Variants in PARD3B observed in about 807,000 individuals in gnomAD.
PARD3B encodes the protein partitioning defective 3 homolog B.
In PARD3B, 103 loss-of-function variants were observed where a neutral mutation model predicts 130.2. The observed-to-expected ratio is 0.79, with a 90% confidence interval of 0.67 to 0.93. The LOEUF (loss-of-function observed/expected upper bound fraction) is 0.93. PARD3B is among the 40% of genes least tolerant of loss of function. PARD3B has a pLI of 0.00. For synonymous variants in PARD3B, 583 were observed against 553.2 expected (o/e 1.05, Z -0.76); for missense variants, 1,609 against 1,499.2 (o/e 1.07, Z -1.21).
chr2:204,560,956 A>C (rs1046465178), intron 1 of PARD3B, among the ~76,000 whole-genome samples: 2 of 151,922 alleles, frequency 1.3e-5, no homozygotes, highest in Non-Finnish European at 2.9e-5. Flanking sequence ...GTGGGAAGAG[A>C]AGTGTAGGTG....
intron 21 of PARD3B, among the ~76,000 whole-genome samples, chr2:205,517,323 A>C (rs1348322042): frequency 6.6e-6 from 1 of 151,966 alleles, no homozygotes; most frequent in Admixed American, 6.6e-5. Flanking sequence ...ATATGTGTCC[A>C]GGAATCTACC....
chr2:205,257,750 A>T (rs1381136355), intron 16 of PARD3B, among the ~76,000 whole-genome samples: 1 of 152,220 alleles, frequency 6.6e-6, no homozygotes, highest in Non-Finnish European at 1.5e-5. Flanking sequence ...GCAGAATATT[A>T]TAAAATGGTA....
At chr2:205,108,497 C>T (rs958096122) in intron 5 of PARD3B, among the ~76,000 whole-genome samples, 1 of 151,930 alleles carries the variant, frequency 6.6e-6, no homozygotes, top group Non-Finnish European at 1.5e-5. Context: ...TATTCTCTCT[C>T]CCACCTTCCT....
chr2:204,743,308 T>A (rs906601402), intron 2 of PARD3B, among the ~76,000 whole-genome samples: 2 of 152,188 alleles, frequency 1.3e-5, no homozygotes, highest in African/African-American at 4.8e-5. Flanking sequence ...TAAATATTAA[T>A]CTCTCTTTTG....
chr2:205,036,996 G>A lies in PARD3B; in HGVS notation c.395-10585G>A, dbSNP rs995690604. On this transcript the variant is annotated intron_variant, in intron 3 of 22. Transcript: ENST00000406610. The stretch of plus-strand genomic sequence containing the variant: ...TGTATATATAAAAAACATATATAGC[G>A]GACTGTATATATAAAAAATATATAC... Among the ~76,000 whole-genome samples, 28 of 145,858 alleles carry A rather than the reference G, an allele frequency of 1.9e-4. 1 individual carries two copies. The highest frequency in any genetic ancestry group is 6.9e-4 in the Admixed American group (10 of 14,444).
chr2:204,842,373 G>A (rs1395507967), intron 2 of PARD3B, among the ~76,000 whole-genome samples: 1 of 151,974 alleles, frequency 6.6e-6, no homozygotes, highest in Non-Finnish European at 1.5e-5. Context: ...GAATTGAGGT[G>A]GTTTCAGCTG....
At chr2:205,536,433 G>A (rs936600704) in intron 21 of PARD3B, among the ~76,000 whole-genome samples, 6 of 152,148 alleles carry the variant, frequency 3.9e-5, no homozygotes, top group Admixed American at 2.0e-4. Context: ...CCTAAGGAAA[G>A]ATGATTCTAC....
Position 205,229,390 on chromosome 2 carries a change from C to A in PARD3B, c.2141-16388C>A, listed in dbSNP as rs1316657258. ...CACCCCAAGCCCAGTAATGCTGTGA[C>A]TCTTACAGACTTGTAGAGGTGCCAT... On this transcript the variant is annotated intron_variant, in intron 15 of 22. Transcript: ENST00000406610. This position sits in a 1 kb window ranked among gnomAD's most constrained non-coding sequence, Gnocchi z 5.2. Among the ~76,000 whole-genome samples the A allele has an allele frequency of 6.6e-6, 1 of 152,222 alleles. No homozygotes were observed. Among genetic ancestry groups the A allele is most frequent in the African/African-American group, 2.4e-5 (1 of 41,464 alleles).
chr2:204,723,374 A>T (rs937782255), intron 2 of PARD3B, among the ~76,000 whole-genome samples: 1 of 152,146 alleles, frequency 6.6e-6, no homozygotes, highest in African/African-American at 2.4e-5. Flanking sequence ...TTTGGGAAAA[A>T]ATTAGCTTAA....
intron 2 of PARD3B, among the ~76,000 whole-genome samples, chr2:204,743,342 T>G (rs1369460687): frequency 6.6e-6 from 1 of 152,170 alleles, no homozygotes. Flanking sequence ...CATATAGATT[T>G]TTAAAGTTGA....
chr2:204,609,810 A>G (rs1220213333), intron 1 of PARD3B, among the ~76,000 whole-genome samples: 1 of 152,126 alleles, frequency 6.6e-6, no homozygotes, highest in African/African-American at 2.4e-5. Context: ...AAAGACCTAG[A>G]AAGGGTCTTT....
intron 2 of PARD3B, among the ~76,000 whole-genome samples, chr2:204,929,660 A>T (rs1687882869): frequency 6.6e-6 from 1 of 152,058 alleles, no homozygotes; most frequent in African/African-American, 2.4e-5. Context: ...CAGGTGATCA[A>T]CCAAGTGAGA....
intron 22 of PARD3B, 122 bp downstream of exon 22, chr2:205,553,525 C>T (rs956741101): frequency 2.4e-5 from 21 of 884,450 alleles, no homozygotes; most frequent in Middle Eastern, 2.9e-4. Flanking sequence ...GCCTTGCTGC[C>T]GTCTGCTGTA....
At chr2:204,827,560 T>G (rs1201730284) in intron 2 of PARD3B, among the ~76,000 whole-genome samples, 1 of 152,164 alleles carries the variant, frequency 6.6e-6, no homozygotes, top group Non-Finnish European at 1.5e-5. Context: ...AAAGTACCCA[T>G]TAGTCTAACA....
At chr2:205,069,368 T>G (rs1001582637) in intron 4 of PARD3B, among the ~76,000 whole-genome samples, 1 of 152,116 alleles carries the variant, frequency 6.6e-6, no homozygotes. Context: ...ATAGATAGAT[T>G]GTATTTAAAA....
chr2:204,593,018 C>T (rs566918881), intron 1 of PARD3B, among the ~76,000 whole-genome samples: 1 of 152,282 alleles, frequency 6.6e-6, no homozygotes, highest in Non-Finnish European at 1.5e-5. Context: ...TTTGTTTATG[C>T]ATTCATCTAT....
intron 2 of PARD3B, among the ~76,000 whole-genome samples, chr2:204,841,855 G>A (rs969457478): frequency 6.6e-6 from 1 of 151,548 alleles, no homozygotes; most frequent in Non-Finnish European, 1.5e-5. Context: ...GAAGTTTTTT[G>A]GTGGGGTTTT....
chr2:205,115,818 A>G (rs184230569), intron 6 of PARD3B, among the ~76,000 whole-genome samples: 3 of 152,304 alleles, frequency 2.0e-5, no homozygotes, highest in East Asian at 3.9e-4. Context: ...TCATAGTGGT[A>G]TACTTTGCTC....
intron 10 of PARD3B, among the ~76,000 whole-genome samples, chr2:205,156,267 TGG>T (rs1575992153): frequency 4.9e-3 from 6 of 1,218 alleles, no homozygotes; most frequent in South Asian, 0.025. Flanking sequence ...TGTTGTGGGG[TGG>T]GCGGGGGGGG....
Sources: allele counts gnomAD v4.1 joint callset (sites outside exome capture counted in the v4.1 genomes callset), GRCh38; gene constraint gnomAD v4.1.1; non-coding constraint Gnocchi (gnomAD v3.1); transcripts MANE v1.5; gene names NCBI Gene and HGNC (gene_info 2026-07-23, HGNC 2026-07-21).